Variants in ADAMTS2 observed in about 807,000 individuals in gnomAD.
The protein encoded by ADAMTS2 is ADAM metallopeptidase with thrombospondin type 1 motif 2.
A neutral mutation model predicts 123.0 loss-of-function variants in ADAMTS2; 50 were observed. The observed-to-expected ratio is 0.41, with a 90% confidence interval of 0.32 to 0.51. ADAMTS2 has a LOEUF of 0.51. Among genes scored for constraint, ADAMTS2 ranks in the 20% least tolerant of loss-of-function variants. ADAMTS2 has a pLI of 0.35. For synonymous variants in ADAMTS2, 678 were observed against 695.4 expected, an observed-to-expected ratio of 0.98 and a Z score of 0.39; for missense variants, 1,494 against 1,705.2, an observed-to-expected ratio of 0.88 and a Z score of 2.18.
In ADAMTS2 at chr5:179,255,141, T is replaced by C. The variant is rs183988219; in HGVS notation, c.688+17770A>G. On this transcript the variant is annotated intron_variant, in intron 3 of 21. Transcript: ENST00000251582. ...ATGGATAGATGGATGGATGAATGAG[T>C]GGGTAGACGAATGAATACACGATGG... Among the ~76,000 whole-genome samples the C allele has an allele frequency of 2.0e-5, 3 of 151,946 alleles. No individual in the cohort carries two copies. The East Asian group carries it at 5.8e-4, about 29-fold the overall frequency.
At position 179,228,006 on chromosome 5, in the gene ADAMTS2, G is replaced by C. The variant is rs1343616339; in HGVS notation, c.689-20291C>G. On this transcript the variant is annotated intron_variant, in intron 3 of 21. Transcript: ENST00000251582. The surrounding 1 kb of genome is among the most constrained non-coding windows in gnomAD (Gnocchi z 5.2). ...CTGACCTGGGCAACCGGTCACCCTG[G>C]GAAGCCTTCCCTGCAAGGGACCCTC... 6.6e-6 allele frequency among the ~76,000 whole-genome samples: 1 copy of C among 152,120 alleles called. No homozygotes were observed. The highest frequency in any genetic ancestry group is 6.5e-5 in the Admixed American group (1 of 15,274).
Position 179,285,354 on chromosome 5 carries a change from A to T in ADAMTS2, c.535-12290T>A, listed in dbSNP as rs1755990702. Among the ~76,000 whole-genome samples, 1 of 152,252 alleles carries T rather than the reference A, an allele frequency of 6.6e-6. No individual in the cohort carries two copies. Among genetic ancestry groups the T allele is most frequent in the Non-Finnish European group, 1.5e-5 (1 of 68,040 alleles). On this transcript the variant is annotated intron_variant, in intron 2 of 21. Transcript: ENST00000251582. This position sits in a 1 kb window ranked among gnomAD's most constrained non-coding sequence, Gnocchi z 4.9. Reference sequence around the variant, plus strand: ...TGGAATAAACAAGATGCCGACAAGAATGCCTCACGGGGCCAGCGCAGGGGC... The same window carrying T: ...TGGAATAAACAAGATGCCGACAAGATTGCCTCACGGGGCCAGCGCAGGGGC...
intron 2 of ADAMTS2, among the ~76,000 whole-genome samples, chr5:179,293,762 C>T (rs1266742123): frequency 2.6e-5 from 4 of 151,808 alleles, no homozygotes; most frequent in African/African-American, 7.3e-5. Flanking sequence ...TACAGGCACA[C>T]GCCACCACAC....
At chr5:179,215,747 T>C (rs1764966868) in intron 3 of ADAMTS2, among the ~76,000 whole-genome samples, 1 of 152,132 alleles carries the variant, frequency 6.6e-6, no homozygotes, top group Admixed American at 6.5e-5. Flanking sequence ...GACAGCCACA[T>C]TCTACAAAGT....
chr5:179,213,857 A>G (rs1465210397), intron 3 of ADAMTS2, among the ~76,000 whole-genome samples: 1 of 152,246 alleles, frequency 6.6e-6, no homozygotes, highest in Admixed American at 6.5e-5. Flanking sequence ...TAAAGCTTCA[A>G]CCTGGTGCAA....
rs143546165 is a variant in ADAMTS2, at chr5:179,197,336, T to G, written c.891+10177A>C. Among the ~76,000 whole-genome samples, 1 of 152,186 alleles carries G rather than the reference T, an allele frequency of 6.6e-6. No homozygotes were observed. The highest frequency in any genetic ancestry group is 1.5e-5 in the Non-Finnish European group (1 of 68,034). On this transcript the variant is annotated intron_variant, in intron 4 of 21. Coordinates refer to ENST00000251582, the MANE Select transcript of ADAMTS2 (RefSeq NM_014244.5). This position sits in a 1 kb window ranked among gnomAD's most constrained non-coding sequence, Gnocchi z 4.2. The stretch of plus-strand genomic sequence containing the variant: ...TTCTCGGGAAGAGTAGGATTGAAAT[T>G]AGCGCTTTAGTGAAATGCTTGAAGC...
intron 2 of ADAMTS2, among the ~76,000 whole-genome samples, chr5:179,310,307 A>T (rs1756794172): frequency 6.6e-6 from 1 of 152,210 alleles, no homozygotes; most frequent in Non-Finnish European, 1.5e-5. Flanking sequence ...CACAGTGAAG[A>T]AAGACAGAGA....
chr5:179,319,036 A>AAC (rs1035190985), intron 2 of ADAMTS2, among the ~76,000 whole-genome samples: 1 of 152,152 alleles, frequency 6.6e-6, no homozygotes, highest in Non-Finnish European at 1.5e-5. Flanking sequence ...GAGGGTTCCC[A>AAC]ACAGCTATTC....
intron 2 of ADAMTS2, among the ~76,000 whole-genome samples, chr5:179,330,666 A>G (rs966601240): frequency 6.6e-6 from 1 of 152,190 alleles, no homozygotes; most frequent in African/African-American, 2.4e-5. Flanking sequence ...CAGACGGAGC[A>G]AAGGCTGGCC....
At chr5:179,209,043 A>C (rs1259303860) in intron 3 of ADAMTS2, among the ~76,000 whole-genome samples, 1 of 151,928 alleles carries the variant, frequency 6.6e-6, no homozygotes, top group Non-Finnish European at 1.5e-5. Context: ...AGGGACAGGC[A>C]CTCCCTCCCT....
At chr5:179,219,156 G>A (rs116128017) in intron 3 of ADAMTS2, among the ~76,000 whole-genome samples, 3,381 of 152,212 alleles carry the variant, frequency 0.022, 121 homozygotes, top group African/African-American at 0.077. Context: ...GAAGACTCCC[G>A]TGCTTTCCTC....
intron 2 of ADAMTS2, among the ~76,000 whole-genome samples, chr5:179,297,389 G>A (rs1255232746): frequency 1.3e-5 from 2 of 151,834 alleles, no homozygotes; most frequent in Non-Finnish European, 2.9e-5. Flanking sequence ...CACCCCACCT[G>A]CCTGGCAATG....
chr5:179,196,034 C>T (rs983567047), intron 4 of ADAMTS2, among the ~76,000 whole-genome samples: 6 of 152,212 alleles, frequency 3.9e-5, no homozygotes, highest in East Asian at 1.9e-4. Context: ...ATTTCCACCA[C>T]GACCAGCTGA....
intron 12 of ADAMTS2, 67 bp downstream of exon 12, chr5:179,137,702 G>GCCCCCCCCCCGCCC: frequency 6.6e-7 from 1 of 1,510,862 alleles, no homozygotes; most frequent in Non-Finnish European, 8.9e-7. Flanking sequence ...AGAGGCACAA[G>GCCCCCCCCCCGCCC]CCCCCACCCT....
intron 4 of ADAMTS2, among the ~76,000 whole-genome samples, chr5:179,206,898 T>A (rs936651533): frequency 1.3e-5 from 2 of 152,146 alleles, no homozygotes; most frequent in Non-Finnish European, 2.9e-5. Context: ...AGGTGGCACA[T>A]AGACACCCCT....
Position 179,189,528 on chromosome 5 carries a change from T to G in ADAMTS2, c.892-8373A>C, listed in dbSNP as rs1456258062. Among the ~76,000 whole-genome samples the G allele has an allele frequency of 2.1e-5, 3 of 142,010 alleles. No individual in the cohort carries two copies. The highest frequency in any genetic ancestry group is 4.6e-5 in the Non-Finnish European group (3 of 65,172). 93.2% of individuals were successfully genotyped at this position (142,010 alleles called of 152,430 possible). ...GCGCCTGGTTTTTTTTTTTTTTTTT[T>G]TTTTTTTTTTAGTAGAGGCAGGGTT... On this transcript the variant is annotated intron_variant, in intron 4 of 21. Transcript: ENST00000251582. The surrounding 1 kb of genome is among the most constrained non-coding windows in gnomAD (Gnocchi z 4.2).
At chr5:179,216,382 C>T (rs1764980827) in intron 3 of ADAMTS2, among the ~76,000 whole-genome samples, 1 of 152,242 alleles carries the variant, frequency 6.6e-6, no homozygotes, top group Non-Finnish European at 1.5e-5. Context: ...CTCCCCTCCT[C>T]TGCTGAGGAC....
intron 21 of ADAMTS2, among the ~76,000 whole-genome samples, chr5:179,116,838 T>G (rs1160433139): frequency 6.6e-6 from 1 of 151,944 alleles, no homozygotes; most frequent in Non-Finnish European, 1.5e-5. Context: ...GGCTGCAGGG[T>G]CCACCATGAA....
chr5:179,179,564 T>C (rs1177160050), intron 5 of ADAMTS2, among the ~76,000 whole-genome samples: 1 of 152,238 alleles, frequency 6.6e-6, no homozygotes, highest in Admixed American at 6.5e-5. Flanking sequence ...ATCTAATCTG[T>C]GAAAGGCTTT....
Sources: allele counts gnomAD v4.1 joint callset (sites outside exome capture counted in the v4.1 genomes callset), GRCh38; gene constraint gnomAD v4.1.1; non-coding constraint Gnocchi (gnomAD v3.1); transcripts MANE v1.5; gene names NCBI Gene and HGNC (gene_info 2026-07-23, HGNC 2026-07-21).